SYTL2: variants seen among roughly 807,000 people sequenced by gnomAD.
SYTL2 encodes synaptotagmin like 2, also known as synaptotagmin-like protein 2.
In SYTL2, 165 loss-of-function variants were observed where a neutral mutation model predicts 198.7. That is an observed-to-expected ratio of 0.83 (90% CI 0.73 to 0.94). SYTL2 has a LOEUF of 0.94. SYTL2 is among the 40% of genes least tolerant of loss of function. The pLI is 0.00. For missense variants in SYTL2, 2,835 were observed against 2,582.8 expected (o/e 1.10, Z -2.12); for synonymous variants, 966 against 917.7 (o/e 1.05, Z -0.95).
intron 1 of SYTL2, among the ~76,000 whole-genome samples, chr11:85,798,264 T>C (rs1018687261): frequency 2.6e-5 from 4 of 152,202 alleles, no homozygotes; most frequent in African/African-American, 9.7e-5. Flanking sequence ...AAGTTTGAAA[T>C]TTTAAAGCTT....
At chr11:85,766,360 T>C (rs2092238214) in intron 1 of SYTL2, among the ~76,000 whole-genome samples, 1 of 152,150 alleles carries the variant, frequency 6.6e-6, no homozygotes, top group Admixed American at 6.5e-5. Flanking sequence ...CAGCTGAAAG[T>C]TCATTTTAAA....
chr11:85,700,666 A>G (rs1312983964), intron 16 of SYTL2, 73 bp from the exon 17 acceptor site: 1 of 1,119,710 alleles, frequency 8.9e-7, no homozygotes, highest in Non-Finnish European at 1.4e-6. Context: ...GTCTCATTAC[A>G]GAACCATATC....
rs761198416 is a variant in SYTL2 at position 85,725,931 on chromosome 11, T to C, written c.3427A>G (p.Thr1143Ala). The C allele has an allele frequency of 6.2e-7, 1 of 1,614,150 alleles. No individual in the cohort carries two copies. The highest frequency in any genetic ancestry group is 1.1e-5 in the South Asian group (1 of 91,064). The change falls in exon 8 of 20, where the codon ACC (threonine) becomes GCC (alanine). Residue 1143 changes from threonine to alanine, a missense_variant. Coordinates refer to ENST00000359152, the MANE Select transcript of SYTL2 (RefSeq NM_206927.4). ...GAGGGTTGAATTGCTGGTGTTGAGG[T>C]TTCTGAAAGCAGTTTCTGCAAGCTG... ...NDSLQKLLSE[T>A]STPAIQPSGG...
chr11:85,733,808 C>G (rs2090071934), intron 7 of SYTL2, 131 bp downstream of exon 7: 2 of 700,716 alleles, frequency 2.9e-6, no homozygotes, highest in East Asian at 5.1e-5. Context: ...ACCTTGTTAG[C>G]CAGGATGGTC....
At chr11:85,712,997 G>T (rs1250016792) in intron 12 of SYTL2, among the ~76,000 whole-genome samples, 2 of 152,060 alleles carry the variant, frequency 1.3e-5, no homozygotes, top group African/African-American at 4.8e-5. Context: ...AGGATTACAG[G>T]CATAAGCTAC....
chr11:85,769,645 T>G (rs149911025), intron 1 of SYTL2, among the ~76,000 whole-genome samples: 41 of 152,338 alleles, frequency 2.7e-4, no homozygotes, highest in African/African-American at 8.4e-4. Context: ...CATCTCTGAG[T>G]CCATCTGTGA....
At chr11:85,759,247 A>G (rs74607286) in intron 1 of SYTL2, among the ~76,000 whole-genome samples, 1 of 145,504 alleles carries the variant, frequency 6.9e-6, no homozygotes, top group African/African-American at 2.6e-5. Context: ...CTCCTTATCA[A>G]AAAAAAAAAA....
intron 13 of SYTL2, among the ~76,000 whole-genome samples, chr11:85,710,518 A>C (rs901469333): frequency 3.3e-5 from 5 of 152,244 alleles, no homozygotes; most frequent in African/African-American, 1.2e-4. Flanking sequence ...GGATATATTT[A>C]CATATATTTT....
the SYTL2 span, chr11:85,852,903 G>A: frequency 1.7e-4 from 49 of 287,102 alleles, no homozygotes; most frequent in East Asian, 9.7e-4. Flanking sequence ...ACCTCTGCCC[G>A]GCCGCGACCC....
chr11:85,719,685 G>T (rs1263299365), intron 9 of SYTL2, among the ~76,000 whole-genome samples: 1 of 152,034 alleles, frequency 6.6e-6, no homozygotes, highest in Admixed American at 6.5e-5. Flanking sequence ...GGTTAAAATG[G>T]GTGATTTTTA....
intron 1 of SYTL2, among the ~76,000 whole-genome samples, chr11:85,792,612 T>C (rs1333119794): frequency 6.9e-6 from 1 of 145,438 alleles, no homozygotes. Flanking sequence ...ATTCTTAGTT[T>C]CAGAGCTTTT....
rs1162431708 is a variant in SYTL2, at chr11:85,752,917, T to TAAAAAAAAAAAAAAAAAA, written c.102-4512_102-4495dup. 1.7e-4 allele frequency among the ~76,000 whole-genome samples: 3 copies of TAAAAAAAAAAAAAAAAAA among 17,704 alleles called. 1 individual carries two copies. The highest frequency in any genetic ancestry group is 2.7e-3 in the Admixed American group (2 of 736). The allele number at this position is 17,704 out of a possible 152,430, so 11.6% of individuals were successfully genotyped here. A position where few individuals can be genotyped will look rare whatever the true frequency, so the allele number is the denominator to read the frequency against. On this transcript the variant is annotated intron_variant, in intron 2 of 19. Transcript: ENST00000359152. ...GTCCTTCAATGACAACTGCCTTCAT[T>TAAAAAAAAAAAAAAAAAA]AAAAAAAAAAAAAAAAAAAAAAAAA... is the stretch of plus-strand genomic sequence containing the variant.
chr11:85,697,991 G>C lies in SYTL2; in HGVS notation c.6356C>G (p.Ser2119Cys). 1 of 1,610,464 alleles carries C rather than the reference G, an allele frequency of 6.2e-7. No individual in the cohort carries two copies. Among genetic ancestry groups the C allele is most frequent in the South Asian group, 1.1e-5 (1 of 90,984 alleles). The change falls in exon 18 of 20, where the codon TCT becomes TGT. Residue 2119 changes from serine to cysteine, a missense_variant. Physicochemically the swap from Ser to Cys is moderately radical, Grantham distance 112. Coordinates refer to ENST00000359152, the MANE Select transcript of SYTL2 (RefSeq NM_206927.4). ...TCAATACTATTACCATTTAACAAAA[G>C]AATTTAGATGACTTCCCCTTAGCAG... is the stretch of plus-strand genomic sequence containing the variant. ...LPLLRGSHLNSFVKCTILPDT... is the reference protein window; with the variant it reads ...LPLLRGSHLNCFVKCTILPDT...
At chr11:85,783,857 T>C (rs897460219) in intron 1 of SYTL2, among the ~76,000 whole-genome samples, 1 of 152,196 alleles carries the variant, frequency 6.6e-6, no homozygotes, top group African/African-American at 2.4e-5. Flanking sequence ...TGGCTTGGGT[T>C]GTACATTTTT....
At chr11:85,703,893 G>T (rs1395225611) in intron 16 of SYTL2, among the ~76,000 whole-genome samples, 1 of 151,826 alleles carries the variant, frequency 6.6e-6, no homozygotes, top group African/African-American at 2.4e-5. Context: ...TGAATTCAAG[G>T]GTGCATATTA....
rs780635433 is a variant in SYTL2, at chr11:85,724,855, T to G, written c.4503A>C (p.Leu1501Phe). The change falls in exon 8 of 20, where the codon TTA (leucine) becomes TTC (phenylalanine). Residue 1501 changes from leucine to phenylalanine, a missense_variant. Transcript: ENST00000359152. ...CAGTTTCTTCCTTCAGTAGTTTTTC[T>G]AAGCCAGCACTGAATTCGAGGAACT... ...KSEFLEFSAGLEKLLKEETET... is the reference protein window; with the variant it reads ...KSEFLEFSAGFEKLLKEETET... The G allele has an allele frequency of 6.2e-7, 1 of 1,613,834 alleles. No individual in the cohort carries two copies. The highest frequency in any genetic ancestry group is 1.1e-5 in the South Asian group (1 of 90,906).
Position 85,757,924 on chromosome 11 carries a change from A to G in SYTL2, c.-199T>C, listed in dbSNP as rs2091959316. The G allele has an allele frequency of 1.4e-5, 9 of 638,262 alleles. No individual in the cohort carries two copies. The South Asian group carries it at 1.8e-4, about 12-fold the overall frequency. The allele number at this position is 638,262 out of a possible 1,614,324, so 39.5% of individuals were successfully genotyped here. A position where few individuals can be genotyped will look rare whatever the true frequency, so the allele number is the denominator to read the frequency against. ...ATCCTAAGTGCTCTTTCCCATGAGG[A>G]AGTCCTGGTCTGTGGGATAGTGTCG... is the stretch of plus-strand genomic sequence containing the variant. On this transcript the variant is annotated 5_prime_UTR_variant, in exon 2 of 20. Coordinates refer to ENST00000359152, the MANE Select transcript of SYTL2 (RefSeq NM_206927.4).
At chr11:85,765,876 C>T (rs993806742) in intron 1 of SYTL2, among the ~76,000 whole-genome samples, 2 of 151,974 alleles carry the variant, frequency 1.3e-5, no homozygotes, top group Non-Finnish European at 2.9e-5. Context: ...CTTACAATAC[C>T]CCTAGGAATA....
At chr11:85,713,790 T>A (rs2086712159) in intron 12 of SYTL2, among the ~76,000 whole-genome samples, 1 of 152,188 alleles carries the variant, frequency 6.6e-6, no homozygotes, top group Non-Finnish European at 1.5e-5. Flanking sequence ...TGTGCTTTCT[T>A]AAGACCGTAC....
Sources: gnomAD v4.1 joint callset for allele counts (sites outside exome capture counted in the v4.1 genomes callset) on GRCh38, gnomAD v4.1.1 for gene constraint, MANE v1.5 for transcripts, NCBI Gene and HGNC (gene_info 2026-07-23, HGNC 2026-07-21) for gene names.